The following MYH11 variants were observed in gnomAD, a reference collection of about 807,000 sequenced individuals.
MYH11 encodes the protein myosin heavy chain 11, also known as myosin-11.
In MYH11, 80 loss-of-function variants were observed where a neutral mutation model predicts 246.6. That is an observed-to-expected ratio of 0.32 (90% confidence interval 0.27 to 0.39). The LOEUF is 0.39. Among genes scored for constraint, MYH11 ranks in the 10% least tolerant of loss-of-function variants. The pLI is 1.00. For missense variants in MYH11, 2,158 were observed against 2,546.8 expected (o/e 0.85, Z 3.29); for synonymous variants, 1,071 against 1,015.5 (o/e 1.05, Z -1.04).
chr16:15,756,793 CTTTTT>C (rs60486632), intron 13 of MYH11, among the ~76,000 whole-genome samples: 6 of 84,562 alleles, frequency 7.1e-5, no homozygotes, highest in Admixed American at 1.4e-4. Flanking sequence ...GTTCATAACT[CTTTTT>C]TTTTTTTTTT....
Position 15,749,864 on chromosome 16 carries a change from G to A in MYH11, c.2058+274C>T, listed in dbSNP as rs188387859. ...ACACTGCTCCCCAGCACCCAGGACAGGGCAGAGCCCAGTGAATACTTCCTG... is the reference window on the plus strand; with the variant it reads ...ACACTGCTCCCCAGCACCCAGGACAAGGCAGAGCCCAGTGAATACTTCCTG... On this transcript the variant is annotated intron_variant, in intron 16 of 40. Transcript: ENST00000300036. The A allele has an allele frequency of 1.4e-4, 84 of 584,628 alleles. 1 individual carries two copies. The East Asian group carries it at 2.3e-3, about 16-fold the overall frequency. The allele number at this position is 584,628 out of a possible 1,614,324, so 36.2% of individuals were successfully genotyped here. A position where few individuals can be genotyped will look rare whatever the true frequency, so the allele number is the denominator to read the frequency against.
At chr16:15,824,719 A>G (rs1194608933) in intron 2 of MYH11, among the ~76,000 whole-genome samples, 1 of 152,204 alleles carries the variant, frequency 6.6e-6, no homozygotes, top group East Asian at 1.9e-4. Flanking sequence ...AGGAAAAGGT[A>G]ATAATCCTCC....
intron 3 of MYH11, among the ~76,000 whole-genome samples, chr16:15,817,066 C>T (rs1399171016): frequency 6.6e-6 from 1 of 152,066 alleles, no homozygotes; most frequent in African/African-American, 2.4e-5. Flanking sequence ...CTTATACTTG[C>T]AAAAATATCT....
At chr16:15,815,959 A>G (rs897258590) in intron 3 of MYH11, among the ~76,000 whole-genome samples, 1 of 152,148 alleles carries the variant, frequency 6.6e-6, no homozygotes, top group African/African-American at 2.4e-5. Context: ...AAAAAAAGTT[A>G]TTTATAACTT....
At position 15,823,366 on chromosome 16, in the gene MYH11, G is replaced by A. The variant is rs111247524; in HGVS notation, c.391C>T (p.Leu131=). 1 of 1,614,062 alleles carries A rather than the reference G, an allele frequency of 6.2e-7. No individual in the cohort carries two copies. Among genetic ancestry groups the A allele is most frequent in the Non-Finnish European group, 8.5e-7 (1 of 1,180,052 alleles). Residue 131 remains leucine (L), a synonymous_variant, in exon 3 of 41, where the codon CTG becomes TTG. Coordinates refer to ENST00000300036, the MANE Select transcript of MYH11 (RefSeq NM_002474.3). The part of the protein sequence containing the change: ...FCVVVNPYKH[L]PIYSEKIVDM... ...ACGATCTTCTCCGAGTAGATGGGCAGGTGTTTATAGGGGTTGACCACCACG... is the reference window on the plus strand; with the variant it reads ...ACGATCTTCTCCGAGTAGATGGGCAAGTGTTTATAGGGGTTGACCACCACG...
chr16:15,787,016 G>A (rs1236183320), intron 4 of MYH11, among the ~76,000 whole-genome samples: 1 of 152,212 alleles, frequency 6.6e-6, no homozygotes, highest in East Asian at 1.9e-4. Flanking sequence ...TCATGCCTGT[G>A]ATCCCAGCAC....
chr16:15,852,857 G>T (rs182504703), intron 1 of MYH11, among the ~76,000 whole-genome samples: 15 of 152,240 alleles, frequency 9.9e-5, no homozygotes, highest in African/African-American at 3.6e-4. Flanking sequence ...CCTTGCAAAA[G>T]TTGGGGAACC....
At chr16:15,795,224 C>T (rs752676059) in intron 4 of MYH11, among the ~76,000 whole-genome samples, 2 of 151,686 alleles carry the variant, frequency 1.3e-5, no homozygotes, top group Non-Finnish European at 2.9e-5. Context: ...ACCCAGGAGG[C>T]GGGGGTTGCA....
At chr16:15,828,621 C>T (rs1279646451) in intron 2 of MYH11, among the ~76,000 whole-genome samples, 3 of 151,726 alleles carry the variant, frequency 2.0e-5, no homozygotes, top group African/African-American at 7.3e-5. Flanking sequence ...GGCAAAACCC[C>T]GTCTCTACTA....
chr16:15,756,214 C>T, intron 14 of MYH11, 127 bp downstream of exon 14: 3 of 1,037,966 alleles, frequency 2.9e-6, no homozygotes, highest in Non-Finnish European at 2.9e-6. Context: ...GGTTGGGATT[C>T]GCTTAGCAGC....
intron 20 of MYH11, among the ~76,000 whole-genome samples, chr16:15,743,800 A>G (rs995046985): frequency 1.3e-5 from 2 of 152,198 alleles, no homozygotes; most frequent in Admixed American, 6.5e-5. Flanking sequence ...GCAGGCACTC[A>G]ATGTCTGTTT....
At chr16:15,744,798 C>T (rs542223415) in intron 20 of MYH11, among the ~76,000 whole-genome samples, 12 of 152,348 alleles carry the variant, frequency 7.9e-5, no homozygotes, top group South Asian at 4.1e-4. Flanking sequence ...CCGCCGCCCC[C>T]GGCAGCATTC....
At chr16:15,706,994 T>A (rs2039491107) in intron 40 of MYH11, among the ~76,000 whole-genome samples, 1 of 152,152 alleles carries the variant, frequency 6.6e-6, no homozygotes. Flanking sequence ...TTACAGGAAC[T>A]AAGGGACCCC....
chr16:15,827,808 G>A (rs1486853186), intron 2 of MYH11, among the ~76,000 whole-genome samples: 1 of 152,212 alleles, frequency 6.6e-6, no homozygotes, highest in Non-Finnish European at 1.5e-5. Flanking sequence ...TAGGTACTCA[G>A]TGGACTACAC....
intron 14 of MYH11, among the ~76,000 whole-genome samples, chr16:15,755,488 T>C (rs2151271819): frequency 6.6e-6 from 1 of 152,216 alleles, no homozygotes. Context: ...TTAGAGTCTA[T>C]ACAAGAAAAG....
At chr16:15,717,669 G>T (rs1371561184) in intron 37 of MYH11, 2 of 441,226 alleles carry the variant, frequency 4.5e-6, no homozygotes, top group Non-Finnish European at 8.3e-6. Context: ...GGTGGCACGT[G>T]CCTGTAGTCC....
Position 15,718,440 on chromosome 16 carries a change from T to TG in MYH11, c.5172-3dup. Reference sequence around the variant, plus strand: ...CGCTTCTCGTCCTGGAGTGCGTTCCTGGGGGAAGGGCGGCCATGGTGGGGG... The same window carrying TG: ...CGCTTCTCGTCCTGGAGTGCGTTCCTGGGGGGAAGGGCGGCCATGGTGGGGG... On this transcript the variant is annotated splice_polypyrimidine_tract_variant and splice_region_variant and intron_variant, in intron 36 of 40. Transcript: ENST00000300036. The TG allele has an allele frequency of 6.4e-7, 1 of 1,559,774 alleles. No individual in the cohort carries two copies. Among genetic ancestry groups the TG allele is most frequent in the Non-Finnish European group, 8.7e-7 (1 of 1,154,956 alleles).
chr16:15,748,371 T>C (rs1451393636), intron 16 of MYH11, among the ~76,000 whole-genome samples: 1 of 152,180 alleles, frequency 6.6e-6, no homozygotes, highest in African/African-American at 2.4e-5. Context: ...AATGGCTGCC[T>C]CATGATCTCT....
chr16:15,828,776 G>C (rs1450067390), intron 2 of MYH11, among the ~76,000 whole-genome samples: 2 of 132,608 alleles, frequency 1.5e-5, no homozygotes, highest in African/African-American at 5.7e-5. Context: ...CTGGGCAACA[G>C]AGTGAGACTC....
Sources: allele counts gnomAD v4.1 joint callset (sites outside exome capture counted in the v4.1 genomes callset), GRCh38; gene constraint gnomAD v4.1.1; transcripts MANE v1.5; gene names NCBI Gene and HGNC (gene_info 2026-07-23, HGNC 2026-07-21).